The following WFS1 variants were observed in gnomAD, a reference collection of about 807,000 sequenced individuals.
WFS1 encodes the protein wolframin.
WFS1 carries 90 observed loss-of-function variants against 68.5 expected under a neutral mutation model. The ratio of observed to expected loss-of-function variants is 1.31; its 90% CI spans 1.11 to 1.56. The LOEUF is 1.56. WFS1 is among the 40% of genes most tolerant of loss of function. WFS1 has a pLI of 0.00. For missense variants in WFS1, 1,767 were observed against 1,232.6 expected (o/e 1.43, Z -6.49); for synonymous variants, 860 against 540.7 (o/e 1.59, Z -8.19).
chr4:6,296,393 T>C (rs1730641257), intron 7 of WFS1, among the ~76,000 whole-genome samples: 1 of 152,200 alleles, frequency 6.6e-6, no homozygotes, highest in South Asian at 2.1e-4. Flanking sequence ...CTCCTCCCAC[T>C]TGGGACAGGC....
chr4:6,302,203 T>G lies in WFS1; in HGVS notation c.2408T>G (p.Val803Gly). The G allele has an allele frequency of 1.2e-6, 2 of 1,611,658 alleles. No homozygotes were observed. Among genetic ancestry groups the G allele is most frequent in the East Asian group, 2.2e-5 (1 of 44,850 alleles). The part of the protein sequence containing the change: ...REEDDVTKDI[V>G]LRASSEFKSV... Reference sequence around the variant, plus strand: ...GAGGACGACGTCACCAAGGACATCGTGCTGCGGGCCAGCAGCGAGTTCAAG... The same window carrying G: ...GAGGACGACGTCACCAAGGACATCGGGCTGCGGGCCAGCAGCGAGTTCAAG... Residue 803 changes from valine to glycine, a missense_variant, in exon 8 of 8, where the codon GTG (valine) becomes GGG (glycine). Transcript: ENST00000226760.
intron 2 of WFS1, among the ~76,000 whole-genome samples, chr4:6,286,888 T>C (rs71539644): frequency 4.1e-4 from 63 of 152,322 alleles, no homozygotes; most frequent in Admixed American, 1.8e-3. Flanking sequence ...CTCATCTTGC[T>C]CTGGCGCTGC....
At chr4:6,290,492 C>T (rs2109116028) in intron 4 of WFS1, among the ~76,000 whole-genome samples, 1 of 152,368 alleles carries the variant, frequency 6.6e-6, no homozygotes, top group East Asian at 1.9e-4. Context: ...CCCGTGTTCC[C>T]CCAGCTGCAC....
At position 6,301,348 on chromosome 4, in the gene WFS1, T is replaced by A. The variant is rs771595129; in HGVS notation, c.1553T>A (p.Met518Lys). ...TACCTGCTCTATCTCTTCTTCCGCA[T>A]GGCACAGCTGAGGAATTTCAAGGGC... is the stretch of plus-strand genomic sequence containing the variant. ...YVYLLYLFFR[M>K]AQLRNFKGTY... The change falls in exon 8 of 8, where the codon ATG (methionine) becomes AAG (lysine). Residue 518 changes from methionine (M) to lysine (K), a missense_variant. Met to Lys is a moderately conservative substitution (Grantham distance 95). Coordinates refer to ENST00000226760, the MANE Select transcript of WFS1 (RefSeq NM_006005.3). The A allele has an allele frequency of 1.2e-5, 19 of 1,612,402 alleles. No homozygotes were observed. The South Asian group carries it at 2.0e-4, about 17-fold the overall frequency.
rs776488772 is a variant in WFS1 at position 6,291,359 on chromosome 4, A to G, written c.623A>G (p.Asn208Ser). Residue 208 changes from asparagine to serine, a missense_variant, in exon 5 of 8, where the codon AAC becomes AGC. Transcript: ENST00000226760. ...AELLENVGQV[N>S]EHDGGAQPGP... ...CTGCTGGAGAATGTCGGCCAGGTCA[A>G]CGAGCACGGTGCGAGGATTCACCCT... 1.4e-5 allele frequency: 22 copies of G among 1,612,696 alleles called. No individual in the cohort carries two copies. Among genetic ancestry groups the G allele is most frequent in the Non-Finnish European group, 1.8e-5 (21 of 1,180,004 alleles).
At chr4:6,272,041 G>T (rs1729858086) in intron 1 of WFS1, among the ~76,000 whole-genome samples, 1 of 152,212 alleles carries the variant, frequency 6.6e-6, no homozygotes, top group Non-Finnish European at 1.5e-5. Flanking sequence ...AGCTTGCCTG[G>T]CTCCTGCCTG....
intron 7 of WFS1, 123 bp downstream of exon 7, chr4:6,295,312 G>A (rs1046794059): frequency 5.6e-5 from 66 of 1,189,060 alleles, no homozygotes; most frequent in Non-Finnish European, 7.7e-5. Flanking sequence ...GTGTCTTACA[G>A]CCGTGCCGCT....
chr4:6,277,785 C>T (rs1187295865), intron 2 of WFS1, 98 bp downstream of exon 2: 5 of 1,339,212 alleles, frequency 3.7e-6, no homozygotes, highest in Non-Finnish European at 5.2e-6. Flanking sequence ...CCGCCAGGTC[C>T]TCTGCAGTTC....
At chr4:6,285,457 A>G (rs1439142607) in intron 2 of WFS1, among the ~76,000 whole-genome samples, 1 of 152,104 alleles carries the variant, frequency 6.6e-6, no homozygotes, top group East Asian at 1.9e-4. Flanking sequence ...GTCCATCCAC[A>G]GGGCTGGAGT....
intron 2 of WFS1, among the ~76,000 whole-genome samples, chr4:6,281,797 C>T (rs1010926744): frequency 2.0e-5 from 3 of 152,184 alleles, no homozygotes; most frequent in Non-Finnish European, 2.9e-5. Flanking sequence ...CACGCCTGTT[C>T]TTTATCCTGA....
In WFS1 at chr4:6,287,222, A is replaced by T; in HGVS notation, c.315+47A>T. The T allele has an allele frequency of 1.3e-6, 2 of 1,502,866 alleles. No homozygotes were observed. Among genetic ancestry groups the T allele is most frequent in the Non-Finnish European group, 1.8e-6 (2 of 1,104,636 alleles). 93.1% of individuals were successfully genotyped at this position (1,502,866 alleles called of 1,614,324 possible). A position where few individuals can be genotyped will look rare whatever the true frequency, so the allele number is the denominator to read the frequency against. ...GGGACTTCGGGACGCGGCCCCCGGC[A>T]CAACAGGCCTGGCCACGAGCTCCAC... On this transcript the variant is annotated intron_variant, in intron 3 of 7. Transcript: ENST00000226760. This position sits in a 1 kb window ranked among gnomAD's most constrained non-coding sequence, Gnocchi z 6.4.
At position 6,301,296 on chromosome 4, in the gene WFS1, G is replaced by A. The variant is rs1343901456; in HGVS notation, c.1501G>A (p.Val501Ile). 11 of 1,611,072 alleles carry A rather than the reference G, an allele frequency of 6.8e-6. No individual in the cohort carries two copies. The highest frequency in any genetic ancestry group is 1.7e-5 in the Admixed American group (1 of 60,008). The change falls in exon 8 of 8, where the codon GTC becomes ATC. Residue 501 changes from valine (V) to isoleucine (I), a missense_variant. Transcript: ENST00000226760. Reference sequence around the variant, plus strand: ...TGTCGGCCACCTGGTCGTCCTCAACGTCAGCGTCCCGTGCCTGCTCTATGT... The same window carrying A: ...TGTCGGCCACCTGGTCGTCCTCAACATCAGCGTCCCGTGCCTGCTCTATGT... The part of the protein sequence containing the change: ...VPVGHLVVLN[V>I]SVPCLLYVYL...
chr4:6,293,545 A>G (rs1296369168), intron 6 of WFS1, among the ~76,000 whole-genome samples: 2 of 151,914 alleles, frequency 1.3e-5, no homozygotes, highest in Non-Finnish European at 2.9e-5. Context: ...TTGCTCAGTC[A>G]CTTCTTGTCC....
At chr4:6,294,932 T>G in intron 6 of WFS1, 109 bp from the exon 7 acceptor site, 1 of 1,577,246 alleles carries the variant, frequency 6.3e-7, no homozygotes, top group South Asian at 1.1e-5. Flanking sequence ...CCCACTCAGC[T>G]CCTTTCTTAG....
In WFS1 at chr4:6,291,316, C is replaced by G; in HGVS notation, c.580C>G (p.Gln194Glu). The part of the protein sequence containing the change: ...YWKLNPKKKK[Q>E]VAVAELLENV... ...GAAGCTCAACCCCAAGAAGAAGAAG[C>G]AGGTGGCCGTGGCGGAGCTGCTGGA... The change falls in exon 5 of 8, where the codon CAG becomes GAG. Residue 194 changes from glutamine to glutamate, a missense_variant. Gln to Glu is a conservative substitution (Grantham distance 29). Transcript: ENST00000226760. The G allele has an allele frequency of 1.9e-6, 3 of 1,613,476 alleles. No homozygotes were observed. The highest frequency in any genetic ancestry group is 1.7e-6 in the Non-Finnish European group (2 of 1,180,008).
chr4:6,303,214 A>G lies in WFS1; in HGVS notation c.*746A>G, dbSNP rs1335869590. 1.3e-5 allele frequency: 2 copies of G among 152,370 alleles called. No homozygotes were observed. The highest frequency in any genetic ancestry group is 2.9e-5 in the Non-Finnish European group (2 of 68,142). 9.4% of individuals were successfully genotyped at this position (152,370 alleles called of 1,614,324 possible). ...CTGACTGTGTTCAGTGCCTTGGAGC[A>G]GAAAGCCAGGGTCCTGAGTGGCTGA... is the stretch of plus-strand genomic sequence containing the variant. On this transcript the variant is annotated 3_prime_UTR_variant, in exon 8 of 8. Coordinates refer to ENST00000226760, the MANE Select transcript of WFS1 (RefSeq NM_006005.3).
At position 6,301,904 on chromosome 4, in the gene WFS1, C is replaced by T. The variant is rs761149102; in HGVS notation, c.2109C>T (p.Arg703=). The change falls in exon 8 of 8, where the codon CGC becomes CGT. Residue 703 remains arginine (R), a synonymous_variant. Coordinates refer to ENST00000226760, the MANE Select transcript of WFS1 (RefSeq NM_006005.3). ...LEGHRVTWTG[R]FKYVRVTDID... Reference sequence around the variant, plus strand: ...GCCACAGGGTCACGTGGACCGGCCGCTTCAAGTACGTCCGCGTGACTGACA... The same window carrying T: ...GCCACAGGGTCACGTGGACCGGCCGTTTCAAGTACGTCCGCGTGACTGACA... 1.2e-5 allele frequency: 19 copies of T among 1,612,838 alleles called. No individual in the cohort carries two copies. The highest frequency in any genetic ancestry group is 2.2e-5 in the South Asian group (2 of 91,084).
At chr4:6,280,384 C>T (rs1386650589) in intron 2 of WFS1, among the ~76,000 whole-genome samples, 1 of 152,214 alleles carries the variant, frequency 6.6e-6, no homozygotes, top group Non-Finnish European at 1.5e-5. Flanking sequence ...GTCTCCAGCC[C>T]TGGGGGGATC....
intron 4 of WFS1, 110 bp from the exon 5 acceptor site, chr4:6,291,087 C>T (rs529419595): frequency 5.5e-6 from 7 of 1,271,230 alleles, no homozygotes; most frequent in South Asian, 5.0e-5. Flanking sequence ...AGTCCTGACA[C>T]CTTCTATGAG....
Sources: gnomAD v4.1 joint callset for allele counts (sites outside exome capture counted in the v4.1 genomes callset) on GRCh38, gnomAD v4.1.1 for gene constraint, Gnocchi (gnomAD v3.1) non-coding constraint, MANE v1.5 for transcripts, NCBI Gene and HGNC (gene_info 2026-07-23, HGNC 2026-07-21) for gene names.